The following VSIG10 variants were observed in gnomAD, a reference collection of about 807,000 sequenced individuals.
VSIG10 encodes the protein V-set and immunoglobulin domain containing 10.
In VSIG10, 48 loss-of-function variants were observed where a neutral mutation model predicts 58.7. That is an observed-to-expected ratio of 0.82 (90% CI 0.65 to 1.04). The LOEUF (loss-of-function observed/expected upper bound fraction) is 1.04. VSIG10 is among the 50% of genes least tolerant of loss of function. VSIG10 has a pLI of 0.00. For missense variants in VSIG10, 628 were observed against 670.0 expected, an observed-to-expected ratio of 0.94 and a Z score of 0.69; for synonymous variants, 260 against 267.1, an observed-to-expected ratio of 0.97 and a Z score of 0.26.
At chr12:118,076,599 A>T (rs759655825) in intron 4 of VSIG10, among the ~76,000 whole-genome samples, 2 of 151,796 alleles carry the variant, frequency 1.3e-5, no homozygotes, top group Non-Finnish European at 2.9e-5. Context: ...TTGGCCTCCC[A>T]AAGTGCTGGG....
chr12:118,067,055 T>G (rs1301938744), intron 8 of VSIG10, among the ~76,000 whole-genome samples: 1 of 151,978 alleles, frequency 6.6e-6, no homozygotes, highest in East Asian at 1.9e-4. Flanking sequence ...CTTATCTTTC[T>G]CTGAGGTCCT....
chr12:118,069,091 T>C (rs986837656), intron 7 of VSIG10, among the ~76,000 whole-genome samples: 4 of 148,976 alleles, frequency 2.7e-5, no homozygotes, highest in African/African-American at 9.9e-5. Flanking sequence ...TATACATTTC[T>C]TTTTTTTTTC....
chr12:118,098,934 C>T (rs1255596687), intron 1 of VSIG10, among the ~76,000 whole-genome samples: 2 of 136,862 alleles, frequency 1.5e-5, no homozygotes, highest in African/African-American at 5.3e-5. Context: ...TGGGGGGGGT[C>T]TCACTCTGAT....
intron 2 of VSIG10, among the ~76,000 whole-genome samples, chr12:118,086,452 C>T (rs1265362786): frequency 2.0e-5 from 3 of 151,398 alleles, no homozygotes; most frequent in Non-Finnish European, 2.9e-5. Context: ...AGTAAAACTG[C>T]GTCTCAAAAA....
At chr12:118,087,077 G>GA (rs112904270) in intron 2 of VSIG10, among the ~76,000 whole-genome samples, 2,857 of 103,940 alleles carry the variant, frequency 0.027, 42 homozygotes, top group African/African-American at 0.052. Context: ...TTTAAAAATT[G>GA]AAAAAAAAAA....
At chr12:118,093,277 C>T (rs761382356) in intron 2 of VSIG10, among the ~76,000 whole-genome samples, 61 of 150,666 alleles carry the variant, frequency 4.0e-4, no homozygotes, top group Non-Finnish European at 7.1e-4. Flanking sequence ...CCAGCCTAGG[C>T]GACAGAGTGA....
At position 118,074,769 on chromosome 12, in the gene VSIG10, G is replaced by A. The variant is rs571924140; in HGVS notation, c.926-777C>T. ...GCTAGGATTACAGGCGTGAGCCACC[G>A]TGCCGGGCCAATTCATAAATTTTTT... On this transcript the variant is annotated intron_variant, in intron 4 of 8. Coordinates refer to ENST00000359236, the MANE Select transcript of VSIG10 (RefSeq NM_019086.6). Among the ~76,000 whole-genome samples the A allele has an allele frequency of 5.3e-5, 8 of 152,242 alleles. 1 individual carries two copies. The South Asian group carries it at 6.2e-4, about 12-fold the overall frequency.
intron 4 of VSIG10, among the ~76,000 whole-genome samples, chr12:118,076,300 A>G (rs1244415415): frequency 6.6e-6 from 1 of 151,274 alleles, no homozygotes; most frequent in African/African-American, 2.4e-5. Flanking sequence ...TCGGCCCAGG[A>G]TGGCTTTGAA....
rs1193654647 is a variant in VSIG10 at position 118,103,648 on chromosome 12, G to C, written c.24C>G (p.Pro8=). The change falls in exon 1 of 9, where the codon CCC becomes CCG. Residue 8 remains proline, a synonymous_variant. Coordinates refer to ENST00000359236, the MANE Select transcript of VSIG10 (RefSeq NM_019086.6). ...CGAGGCAGACGAGGACGCGGGGCTC[G>C]GGCGCACTGCCGCCTGCGGCCATCT... MAAGGSA[P]EPRVLVCLGA... 4.0e-6 allele frequency: 6 copies of C among 1,504,184 alleles called. No homozygotes were observed. Among genetic ancestry groups the C allele is most frequent in the Admixed American group, 4.3e-5 (2 of 46,834 alleles). The allele number at this position is 1,504,184 out of a possible 1,614,324, so 93.2% of individuals were successfully genotyped here.
intron 2 of VSIG10, among the ~76,000 whole-genome samples, chr12:118,089,145 C>A (rs1461752179): frequency 6.6e-6 from 1 of 151,896 alleles, no homozygotes; most frequent in African/African-American, 2.4e-5. Context: ...GATGGAGTTT[C>A]ACCATGTTGG....
intron 1 of VSIG10, among the ~76,000 whole-genome samples, chr12:118,096,170 G>A (rs1439877698): frequency 6.6e-6 from 1 of 151,860 alleles, no homozygotes; most frequent in Non-Finnish European, 1.5e-5. Context: ...CTCAGGAAAA[G>A]TCAGGCTCAT....
In VSIG10 at chr12:118,091,103, C is replaced by T. The variant is rs116728394; in HGVS notation, c.361+4430G>A. Among the ~76,000 whole-genome samples the T allele has an allele frequency of 9.7e-3, 1,470 of 151,838 alleles. 24 individuals are homozygous for T. Among genetic ancestry groups the T allele is most frequent in the African/African-American group, 0.034 (1,425 of 41,496 alleles). On this transcript the variant is annotated intron_variant, in intron 2 of 8. Coordinates refer to ENST00000359236, the MANE Select transcript of VSIG10 (RefSeq NM_019086.6). ...TGAGCCAAGGTGGCGCCACTGTATT[C>T]CAGCCTGGACGACAGAGGGAGAATC...
At chr12:118,069,238 C>T (rs1227572887) in intron 7 of VSIG10, among the ~76,000 whole-genome samples, 6 of 151,876 alleles carry the variant, frequency 4.0e-5, no homozygotes, top group African/African-American at 1.5e-4. Flanking sequence ...TACAGGCATG[C>T]GCCACCACAT....
At chr12:118,096,808 A>G (rs2033473434) in intron 1 of VSIG10, among the ~76,000 whole-genome samples, 1 of 151,752 alleles carries the variant, frequency 6.6e-6, no homozygotes, top group East Asian at 2.0e-4. Context: ...GGAGTCCAAG[A>G]CAGGCAGATC....
intron 2 of VSIG10, among the ~76,000 whole-genome samples, chr12:118,084,188 T>C (rs1203965751): frequency 6.6e-6 from 1 of 152,172 alleles, no homozygotes; most frequent in Non-Finnish European, 1.5e-5. Flanking sequence ...AGCTGCTGCC[T>C]TCCTGTTCTT....
At chr12:118,103,460 C>A in intron 1 of VSIG10, 133 bp downstream of exon 1, 1 of 920,580 alleles carries the variant, frequency 1.1e-6, no homozygotes, top group Non-Finnish European at 1.5e-6. Context: ...AAACCAAGAC[C>A]CTCCTGGGGC....
chr12:118,080,046 C>T (rs980882994), intron 3 of VSIG10, among the ~76,000 whole-genome samples: 1 of 152,238 alleles, frequency 6.6e-6, no homozygotes, highest in Non-Finnish European at 1.5e-5. Flanking sequence ...GTTGGTCAGG[C>T]TGCTCTTGAA....
intron 3 of VSIG10, among the ~76,000 whole-genome samples, chr12:118,080,418 C>T (rs2032906447): frequency 6.6e-6 from 1 of 152,084 alleles, no homozygotes. Context: ...CCTCGGCCTC[C>T]CAAAGCGCTG....
chr12:118,085,052 G>C (rs1345547378), intron 2 of VSIG10, among the ~76,000 whole-genome samples: 2 of 152,014 alleles, frequency 1.3e-5, no homozygotes, highest in Admixed American at 6.6e-5. Context: ...GATAAGCTTG[G>C]CAAGACCTAA....
Sources: gnomAD v4.1 joint callset for allele counts (sites outside exome capture counted in the v4.1 genomes callset) on GRCh38, gnomAD v4.1.1 for gene constraint, MANE v1.5 for transcripts, NCBI Gene and HGNC (gene_info 2026-07-23, HGNC 2026-07-21) for gene names.